The following STK32C variants were observed in gnomAD, a reference collection of about 807,000 sequenced individuals.
STK32C encodes the protein serine/threonine-protein kinase 32C.
In STK32C, 31 loss-of-function variants were observed where a neutral mutation model predicts 56.5. That is an observed-to-expected ratio of 0.55 (90% confidence interval 0.41 to 0.74). The LOEUF is 0.74. Among genes scored for constraint, STK32C ranks in the 30% least tolerant of loss-of-function variants. The probability of loss-of-function intolerance (pLI) is 0.00; values close to 1 mark genes in which losing one functional copy is unlikely to be tolerated. For synonymous variants in STK32C, 309 were observed against 289.4 expected, an observed-to-expected ratio of 1.07 and a Z score of -0.69; for missense variants, 544 against 676.9, an observed-to-expected ratio of 0.80 and a Z score of 2.18.
intron 2 of STK32C, among the ~76,000 whole-genome samples, chr10:132,233,346 A>G (rs2063164632): frequency 6.6e-6 from 1 of 152,146 alleles, no homozygotes; most frequent in Admixed American, 6.5e-5. Flanking sequence ...GACCCCCCTG[A>G]AGCTGTTCTC....
chr10:132,331,452 C>A (rs776599601), exon 1 of STK32C: 5 of 1,611,372 alleles, frequency 3.1e-6, no homozygotes, highest in Non-Finnish European at 4.2e-6. Context: ...TCCTCGCCCC[C>A]CTCACTCCTC....
intron 2 of STK32C, among the ~76,000 whole-genome samples, chr10:132,236,595 G>A (rs972025848): frequency 5.3e-5 from 8 of 152,188 alleles, no homozygotes; most frequent in African/African-American, 1.4e-4. Flanking sequence ...AGACTGACCT[G>A]AGGCAGCATG....
intron 10 of STK32C, among the ~76,000 whole-genome samples, chr10:132,210,965 G>A (rs1015734671): frequency 6.6e-6 from 1 of 152,220 alleles, no homozygotes; most frequent in East Asian, 1.9e-4. Flanking sequence ...CACGTACACG[G>A]TGTGAGCGGC....
chr10:132,212,698 T>C (rs919155041), intron 10 of STK32C, among the ~76,000 whole-genome samples: 4 of 152,334 alleles, frequency 2.6e-5, no homozygotes, highest in African/African-American at 7.2e-5. Flanking sequence ...ATAAAAGACA[T>C]GACTCCGACG....
chr10:132,235,493 T>TCAAAAAAAAAAAAAAAAAAAAAAAAAAAA (rs1565091831), intron 2 of STK32C, among the ~76,000 whole-genome samples: 1 of 72,410 alleles, frequency 1.4e-5, no homozygotes, highest in Admixed American at 2.1e-4. Context: ...AGACTCAGCC[T>TCAAAAAAAAAAAAAAAAAAAAAAAAAAAA]TAAAAAAAAA....
chr10:132,296,121 C>T (rs191637211), intron 1 of STK32C, among the ~76,000 whole-genome samples: 2 of 149,238 alleles, frequency 1.3e-5, no homozygotes, highest in African/African-American at 2.5e-5. Context: ...TGGCATTTAC[C>T]TCCGTGGTCT....
intron 1 of STK32C, among the ~76,000 whole-genome samples, chr10:132,286,922 A>G (rs938928974): frequency 2.4e-4 from 37 of 152,372 alleles, no homozygotes; most frequent in African/African-American, 7.7e-4. Flanking sequence ...GTTTTAAAAG[A>G]AAGCAGCGAA....
intron 1 of STK32C, among the ~76,000 whole-genome samples, chr10:132,285,995 G>A (rs776085560): frequency 1.3e-5 from 2 of 151,948 alleles, no homozygotes; most frequent in Non-Finnish European, 2.9e-5. Flanking sequence ...GCTTGGTGGC[G>A]GGCGCCTGTC....
intron 1 of STK32C, among the ~76,000 whole-genome samples, chr10:132,258,622 G>A (rs115900932): frequency 0.016 from 2,507 of 152,356 alleles, 80 homozygotes; most frequent in African/African-American, 0.055. Context: ...CAGGAACAGG[G>A]CGGCGGGCTC....
chr10:132,327,451 C>T (rs963975328), intron 1 of STK32C, among the ~76,000 whole-genome samples: 3 of 152,058 alleles, frequency 2.0e-5, no homozygotes, highest in Non-Finnish European at 4.4e-5. Flanking sequence ...CCAACCATGG[C>T]TACAATAGGT....
chr10:132,301,251 C>T (rs1264239204), intron 1 of STK32C, among the ~76,000 whole-genome samples: 1 of 150,766 alleles, frequency 6.6e-6, no homozygotes, highest in Non-Finnish European at 1.5e-5. Flanking sequence ...CTCCGAGCTT[C>T]CCGACACCAA....
At chr10:132,214,432 G>A (rs1346618109) in intron 10 of STK32C, among the ~76,000 whole-genome samples, 3 of 152,142 alleles carry the variant, frequency 2.0e-5, no homozygotes, top group Non-Finnish European at 4.4e-5. Context: ...TTATTTAAAG[G>A]TGAAAGTAAA....
chr10:132,259,138 G>A (rs2064224009), intron 1 of STK32C, among the ~76,000 whole-genome samples: 1 of 152,150 alleles, frequency 6.6e-6, no homozygotes, highest in Non-Finnish European at 1.5e-5. Context: ...CAGGGCCATA[G>A]CCAACCATTC....
intron 5 of STK32C, 32 bp downstream of exon 5, chr10:132,225,715 C>T (rs1422519757): frequency 6.2e-7 from 1 of 1,613,910 alleles, no homozygotes; most frequent in African/African-American, 1.3e-5. Flanking sequence ...TGCCACCACC[C>T]ACCTGGGCTG....
chr10:132,323,403 G>A (rs1476435950), downstream of STK32C, among the ~76,000 whole-genome samples: 15 of 152,168 alleles, frequency 9.9e-5, no homozygotes, highest in Admixed American at 7.9e-4. This position sits in a 1 kb window ranked among gnomAD's most constrained non-coding sequence, Gnocchi z 4.8. Flanking sequence ...CATCCCTAGC[G>A]TTCTCACTGG....
chr10:132,300,619 C>T (rs2065884510), intron 1 of STK32C, among the ~76,000 whole-genome samples: 1 of 152,234 alleles, frequency 6.6e-6, no homozygotes. Context: ...CAAACTGTCT[C>T]AAGTTCTGAT....
At chr10:132,259,882 TGAA>T (rs1332627225) in intron 1 of STK32C, among the ~76,000 whole-genome samples, 2 of 152,180 alleles carry the variant, frequency 1.3e-5, no homozygotes, top group Admixed American at 1.3e-4. Flanking sequence ...GTTGCCTGAA[TGAA>T]GGAACTGTGT....
chr10:132,237,701 C>T (rs1286840277), intron 2 of STK32C, among the ~76,000 whole-genome samples: 1 of 151,760 alleles, frequency 6.6e-6, no homozygotes, highest in Non-Finnish European at 1.5e-5. Context: ...TGCAGCTTCA[C>T]CCCTCTTCCC....
In STK32C at chr10:132,222,503, T is replaced by A. The variant is rs942925582; in HGVS notation, c.1251+138A>T. On this transcript the variant is annotated intron_variant, in intron 10 of 11. Coordinates refer to ENST00000298630, the MANE Select transcript of STK32C (RefSeq NM_173575.4). ...AAGGCAGAAGGGAGGTCTCTGGCCTTCTCAGGACTTCAGGAAACGGTCTGC... is the reference window on the plus strand; with the variant it reads ...AAGGCAGAAGGGAGGTCTCTGGCCTACTCAGGACTTCAGGAAACGGTCTGC... 5 of 1,158,172 alleles carry A rather than the reference T, an allele frequency of 4.3e-6. No homozygotes were observed. The African/African-American group carries it at 7.8e-5, about 18-fold the overall frequency. The allele number at this position is 1,158,172 out of a possible 1,614,324, so 71.7% of individuals were successfully genotyped here. A position where few individuals can be genotyped will look rare whatever the true frequency, so the allele number is the denominator to read the frequency against.
Sources: gnomAD v4.1 joint callset for allele counts (sites outside exome capture counted in the v4.1 genomes callset) on GRCh38, gnomAD v4.1.1 for gene constraint, Gnocchi (gnomAD v3.1) non-coding constraint, MANE v1.5 for transcripts, NCBI Gene and HGNC (gene_info 2026-07-23, HGNC 2026-07-21) for gene names.